The following RNF115 variants were observed in gnomAD, a reference collection of about 807,000 sequenced individuals.
The protein encoded by RNF115 is E3 ubiquitin-protein ligase RNF115.
In RNF115, 31 loss-of-function variants were observed where a neutral mutation model predicts 39.2. That is an observed-to-expected ratio of 0.79 (90% confidence interval 0.59 to 1.07). The LOEUF is 1.07. Among genes scored for constraint, RNF115 ranks in the 50% least tolerant of loss-of-function variants. The pLI, the probability that RNF115 is intolerant of heterozygous loss-of-function variation, is 0.00. For missense variants in RNF115, 384 were observed against 381.7 expected (o/e 1.01, Z -0.05); for synonymous variants, 124 against 131.0 (o/e 0.95, Z 0.37).
chr1:145,789,065 G>A, intron 1 of RNF115, 99 bp from the exon 2 acceptor site: 1 of 745,706 alleles, frequency 1.3e-6, no homozygotes, highest in Non-Finnish European at 2.3e-6. Context: ...CTGAGGCTCT[G>A]AAATGTTCTA....
chr1:145,792,906 A>AG, intron 1 of RNF115, among the ~76,000 whole-genome samples: 1 of 152,340 alleles, frequency 6.6e-6, no homozygotes, highest in South Asian at 2.1e-4. Context: ...CATAATGGGC[A>AG]TACTGTAAAC....
chr1:145,749,274 A>C (rs1308279461), intron 7 of RNF115, among the ~76,000 whole-genome samples: 1 of 152,142 alleles, frequency 6.6e-6, no homozygotes, highest in Non-Finnish European at 1.5e-5. Context: ...CTGCTGCAAC[A>C]GCCTCCCAGC....
In RNF115 at chr1:145,823,962, C is replaced by A; in HGVS notation, c.-89G>T. ...CCCGAGCTGCAGTCGTCGCCGCCGC[C>A]GCCGCCTCGGTGCGGCCCACCGCTT... On this transcript the variant is annotated 5_prime_UTR_variant, in exon 1 of 9. Coordinates refer to ENST00000582693, the MANE Select transcript of RNF115 (RefSeq NM_014455.4). 1.0e-6 allele frequency: 1 copy of A among 962,344 alleles called. No homozygotes were observed. Among genetic ancestry groups the A allele is most frequent in the Non-Finnish European group, 1.4e-6 (1 of 700,988 alleles). 59.6% of individuals were successfully genotyped at this position (962,344 alleles called of 1,614,324 possible). A position where few individuals can be genotyped will look rare whatever the true frequency, so the allele number is the denominator to read the frequency against.
intron 4 of RNF115, among the ~76,000 whole-genome samples, chr1:145,767,865 C>G (rs587760673): frequency 6.6e-6 from 1 of 152,340 alleles, no homozygotes; most frequent in South Asian, 2.1e-4. Context: ...CGCAGGCACT[C>G]GGCAGGCTGA....
chr1:145,765,329 C>A (rs1658727882), intron 4 of RNF115, among the ~76,000 whole-genome samples: 1 of 151,990 alleles, frequency 6.6e-6, no homozygotes, highest in Non-Finnish European at 1.5e-5. Context: ...GACCTTTGTT[C>A]ACTTGCTTAT....
intron 1 of RNF115, among the ~76,000 whole-genome samples, chr1:145,799,840 C>G (rs587739597): frequency 1.3e-5 from 2 of 152,066 alleles, no homozygotes; most frequent in African/African-American, 4.8e-5. Flanking sequence ...GTGATCCTCC[C>G]ACCTTGGCCT....
At chr1:145,765,719 C>G (rs894878326) in intron 4 of RNF115, among the ~76,000 whole-genome samples, 6 of 152,198 alleles carry the variant, frequency 3.9e-5, no homozygotes, top group Non-Finnish European at 1.5e-5. Context: ...ATGAGCTAGT[C>G]TATTCAAGAC....
intron 4 of RNF115, among the ~76,000 whole-genome samples, chr1:145,763,244 A>G (rs1658600881): frequency 6.6e-6 from 1 of 152,234 alleles, no homozygotes; most frequent in Non-Finnish European, 1.5e-5. Flanking sequence ...AAAAGAACGT[A>G]TTATTTAGGT....
At chr1:145,792,968 C>T (rs1648746890) in intron 1 of RNF115, among the ~76,000 whole-genome samples, 1 of 152,200 alleles carries the variant, frequency 6.6e-6, no homozygotes, top group South Asian at 2.1e-4. Flanking sequence ...GAGTCCTCCT[C>T]TACTCCTTCA....
chr1:145,769,935 G>A (rs1647560055), intron 4 of RNF115, among the ~76,000 whole-genome samples: 1 of 152,044 alleles, frequency 6.6e-6, no homozygotes, highest in Admixed American at 6.6e-5. Flanking sequence ...TGAGCCCACC[G>A]AGTTTGAGGT....
At chr1:145,763,882 G>A (rs1415119532) in intron 4 of RNF115, among the ~76,000 whole-genome samples, 1 of 146,640 alleles carries the variant, frequency 6.8e-6, no homozygotes, top group Non-Finnish European at 1.5e-5. Context: ...AAAATTATTT[G>A]GCCCTCCCCC....
chr1:145,751,827 A>T (rs782784655), intron 5 of RNF115, among the ~76,000 whole-genome samples: 11 of 152,170 alleles, frequency 7.2e-5, no homozygotes, highest in Non-Finnish European at 1.3e-4. Context: ...GTGCCCACTG[A>T]TATTAAACAC....
intron 1 of RNF115, among the ~76,000 whole-genome samples, chr1:145,804,750 C>T (rs1162843943): frequency 6.6e-6 from 1 of 152,064 alleles, no homozygotes; most frequent in Non-Finnish European, 1.5e-5. Flanking sequence ...TTTAGAAAAG[C>T]CTGAACTAAA....
intron 3 of RNF115, among the ~76,000 whole-genome samples, chr1:145,775,749 T>A (rs1553716451): frequency 6.6e-6 from 1 of 151,984 alleles, no homozygotes; most frequent in African/African-American, 2.4e-5. Context: ...TCCCAGCCCT[T>A]TGAGAGGCTA....
At chr1:145,768,610 G>A (rs1553715340) in intron 4 of RNF115, among the ~76,000 whole-genome samples, 2 of 152,004 alleles carry the variant, frequency 1.3e-5, no homozygotes, top group East Asian at 1.9e-4. Flanking sequence ...CACCGCACCC[G>A]GCCATTAAAT....
chr1:145,755,545 T>C (rs1014992143), intron 4 of RNF115, among the ~76,000 whole-genome samples: 4 of 152,142 alleles, frequency 2.6e-5, no homozygotes, highest in African/African-American at 9.7e-5. Context: ...AATAAATATT[T>C]GTTGTTTTAA....
At chr1:145,761,980 T>C (rs911621585) in intron 4 of RNF115, among the ~76,000 whole-genome samples, 1 of 152,212 alleles carries the variant, frequency 6.6e-6, no homozygotes, top group African/African-American at 2.4e-5. Flanking sequence ...GGAGATGATT[T>C]TGGAGCTTCA....
At chr1:145,774,343 CT>C (rs1262788128) in intron 3 of RNF115, among the ~76,000 whole-genome samples, 9 of 143,996 alleles carry the variant, frequency 6.3e-5, no homozygotes, top group Non-Finnish European at 1.1e-4. Flanking sequence ...ACATTTCTTT[CT>C]TTTTTTTTCT....
intron 4 of RNF115, among the ~76,000 whole-genome samples, chr1:145,764,763 AG>A (rs1218521122): frequency 6.8e-6 from 1 of 146,404 alleles, no homozygotes. Flanking sequence ...GGTGGGGGCC[AG>A]CCCCCGCCCA....
Sources: gnomAD v4.1 joint callset for allele counts (sites outside exome capture counted in the v4.1 genomes callset) on GRCh38, gnomAD v4.1.1 for gene constraint, MANE v1.5 for transcripts, NCBI Gene and HGNC (gene_info 2026-07-23, HGNC 2026-07-21) for gene names.